The following MKRN2OS variants were observed in gnomAD, a reference collection of about 807,000 sequenced individuals.
MKRN2OS encodes MKRN2 opposite strand protein.
MKRN2OS carries 17 observed loss-of-function variants against 18.2 expected under a neutral mutation model. The ratio of observed to expected loss-of-function variants is 0.93; its 90% CI spans 0.64 to 1.40. The LOEUF is 1.40. Ranked by LOEUF, MKRN2OS falls within the 40% of genes most tolerant of loss-of-function variation. The pLI is 0.00. For missense variants in MKRN2OS, 337 were observed against 283.0 expected (o/e 1.19, Z -1.37); for synonymous variants, 121 against 108.5 (o/e 1.12, Z -0.72).
At position 12,541,975 on chromosome 3, in the gene MKRN2OS, C is replaced by T. The variant is rs751894943; in HGVS notation, c.316G>A (p.Gly106Arg). 6.5e-6 allele frequency: 10 copies of T among 1,535,970 alleles called. No homozygotes were observed. The African/African-American group carries it at 6.8e-5, about 11-fold the overall frequency. Residue 106 changes from glycine to arginine, a missense_variant, in exon 3 of 4, where the codon GGG (glycine) becomes AGG (arginine). Coordinates refer to ENST00000564146, the MANE Select transcript of MKRN2OS (RefSeq NM_001195279.2). Reference protein sequence around the residue: ...SAHGVQRDGEGWEESISIPLL... With the variant: ...SAHGVQRDGERWEESISIPLL... The stretch of plus-strand genomic sequence containing the variant: ...GGGATGCTTATGCTCTCTTCCCACC[C>T]TTCTCCGTCTCGCTGGACACCATGT...
At chr3:12,545,555 C>T (rs2057874920), upstream of MKRN2OS, 1 of 996,550 alleles carries the variant, frequency 1.0e-6, no homozygotes, top group South Asian at 1.7e-5. Context: ...CCCAAGGAAC[C>T]TGATCAATGG....
upstream of MKRN2OS, among the ~76,000 whole-genome samples, chr3:12,546,281 A>G (rs1281410980): frequency 6.6e-6 from 1 of 152,212 alleles, no homozygotes; most frequent in African/African-American, 2.4e-5. Flanking sequence ...TAAAAAAATT[A>G]ACATCCAGAA....
At chr3:12,560,902 C>T (rs978916997) in exon 1 of MKRN2OS, 1 of 152,122 alleles carries the variant, frequency 6.6e-6, no homozygotes, top group East Asian at 1.9e-4. Context: ...TTACAAAGCG[C>T]AACATGAAAG....
Position 12,539,937 on chromosome 3 carries a change from C to T in MKRN2OS, c.*256G>A, listed in dbSNP as rs889944598. The T allele has an allele frequency of 1.5e-4, 68 of 441,040 alleles. No individual in the cohort carries two copies. Among genetic ancestry groups the T allele is most frequent in the Non-Finnish European group, 1.9e-4 (46 of 239,540 alleles). The allele number at this position is 441,040 out of a possible 1,614,324, so 27.3% of individuals were successfully genotyped here. A position where few individuals can be genotyped will look rare whatever the true frequency, so the allele number is the denominator to read the frequency against. On this transcript the variant is annotated 3_prime_UTR_variant, in exon 4 of 4. Transcript: ENST00000564146. The stretch of plus-strand genomic sequence containing the variant: ...AGTAGTTGGGATTACAGGCATGCGC[C>T]ACCATGCCCAGCTAATTTTATATTT...
Position 12,543,228 on chromosome 3 carries a change from C to A in MKRN2OS, c.220G>T (p.Glu74Ter). 6.5e-7 allele frequency: 1 copy of A among 1,533,798 alleles called. No individual in the cohort carries two copies. Among genetic ancestry groups the A allele is most frequent in the Non-Finnish European group, 8.7e-7 (1 of 1,146,308 alleles). Reference protein sequence around the residue: ...LRPTQGTFLREYDGRSDLHVG... With the variant: ...LRPTQGTFLR ...TGAAGATCAGACCTTCCATCATACT[C>A]TCTGAAAGAAACAAGGTTTGTTTTT... Residue 74 changes from glutamate (E) to a stop codon, truncating the protein, a stop_gained and splice_region_variant, in exon 2 of 4, where the codon GAG becomes TAG. Transcript: ENST00000564146. LOFTEE classifies it high-confidence loss of function.
chr3:12,540,804 G>A (rs1260377852), intron 3 of MKRN2OS, among the ~76,000 whole-genome samples: 1 of 149,502 alleles, frequency 6.7e-6, no homozygotes, highest in Admixed American at 6.7e-5. Context: ...CCGGCGGGAG[G>A]CAGAGGTTGC....
At position 12,540,112 on chromosome 3, in the gene MKRN2OS, AATGCATT is replaced by A; in HGVS notation, c.*74_*80del. 6.6e-7 allele frequency: 1 copy of A among 1,513,354 alleles called. No homozygotes were observed. Among genetic ancestry groups the A allele is most frequent in the Non-Finnish European group, 8.9e-7 (1 of 1,129,552 alleles). The allele number at this position is 1,513,354 out of a possible 1,614,324, so 93.7% of individuals were successfully genotyped here. ...TACACGCTTTTATTAACCACAGTTA[AATGCATT>A]TAGAAATCCATAGTACTGATTAAAG... is the stretch of plus-strand genomic sequence containing the variant. On this transcript the variant is annotated 3_prime_UTR_variant, in exon 4 of 4. Transcript: ENST00000564146.
At chr3:12,557,355 G>A (rs898424454) in intron 1 of MKRN2OS, among the ~76,000 whole-genome samples, 7 of 152,254 alleles carry the variant, frequency 4.6e-5, no homozygotes, top group Non-Finnish European at 7.3e-5. Flanking sequence ...GGGGATCCGG[G>A]GGATGCGTGG....
Position 12,540,378 on chromosome 3 carries a change from C to T in MKRN2OS, c.487G>A (p.Val163Ile), listed in dbSNP as rs143879274. 6.2e-4 allele frequency: 957 copies of T among 1,536,092 alleles called. 5 individuals carry two copies. The African/African-American group carries it at 0.011, about 18-fold the overall frequency. ...TGCTGTCTACCTTCTGCCATCAGAA[C>T]GCAGTTAATGAACGTGAGTGCGTAA... The part of the protein sequence containing the change: ...YSYALTFINC[V>I]LMAEGRQQLD... The change falls in exon 4 of 4, where the codon GTT (valine) becomes ATT (isoleucine). Residue 163 changes from valine to isoleucine, a missense_variant. Val to Ile is a conservative substitution (Grantham distance 29, BLOSUM62 3). Coordinates refer to ENST00000564146, the MANE Select transcript of MKRN2OS (RefSeq NM_001195279.2).
intron 1 of MKRN2OS, chr3:12,557,060 C>CG: frequency 3.2e-6 from 4 of 1,267,238 alleles, no homozygotes; most frequent in Non-Finnish European, 4.0e-6. Flanking sequence ...CGTGACGCGG[C>CG]TACGCGGGAT....
At chr3:12,542,128 T>G in intron 2 of MKRN2OS, 106 bp from the exon 3 acceptor site, 1 of 1,169,382 alleles carries the variant, frequency 8.6e-7, no homozygotes, top group East Asian at 2.6e-5. Context: ...TTACGTAACA[T>G]AAATCCAGGG....
rs755779364 is a variant in MKRN2OS, at chr3:12,540,275, C to T, written c.590G>A (p.Arg197Gln). The T allele has an allele frequency of 8.1e-5, 124 of 1,535,964 alleles. No homozygotes were observed. In the South Asian group the frequency reaches 9.8e-4, roughly 12 times the overall value. ...GTAGAAGCCATGCTCCCGTATCGCCCGGTAGAGTGTGATGAACTTGGATGC... is the reference window on the plus strand; with the variant it reads ...GTAGAAGCCATGCTCCCGTATCGCCTGGTAGAGTGTGATGAACTTGGATGC... The part of the protein sequence containing the change: ...RLASKFITLY[R>Q]AIREHGFYVT... The change falls in exon 4 of 4, where the codon CGG (arginine) becomes CAG (glutamine). Residue 197 changes from arginine (R) to glutamine (Q), a missense_variant. Transcript: ENST00000564146.
At position 12,540,280 on chromosome 3, in the gene MKRN2OS, G is replaced by C; in HGVS notation, c.585C>G (p.Leu195=). 6.5e-7 allele frequency: 1 copy of C among 1,536,158 alleles called. No homozygotes were observed. The highest frequency in any genetic ancestry group is 2.0e-5 in the Admixed American group (1 of 50,992). ...RTRLASKFIT[L]YRAIREHGFY... ...AGCCATGCTCCCGTATCGCCCGGTA[G>C]AGTGTGATGAACTTGGATGCCAGCC... The change falls in exon 4 of 4, where the codon CTC becomes CTG. Residue 195 remains leucine, a synonymous_variant. Coordinates refer to ENST00000564146, the MANE Select transcript of MKRN2OS (RefSeq NM_001195279.2).
upstream of MKRN2OS, among the ~76,000 whole-genome samples, chr3:12,550,456 T>C (rs181312174): frequency 2.0e-5 from 3 of 152,280 alleles, no homozygotes; most frequent in East Asian, 5.8e-4. Flanking sequence ...GTACAGAGAA[T>C]TTTTAGGGCG....
upstream of MKRN2OS, among the ~76,000 whole-genome samples, chr3:12,548,047 C>T (rs1160626867): frequency 6.6e-6 from 1 of 152,142 alleles, no homozygotes; most frequent in Admixed American, 6.5e-5. Context: ...CAGTGGCTCA[C>T]GCCTGAAATC....
At chr3:12,541,747 G>A (rs1465846664) in intron 3 of MKRN2OS, 113 bp downstream of exon 3, 20 of 1,116,506 alleles carry the variant, frequency 1.8e-5, no homozygotes, top group African/African-American at 3.1e-5. Flanking sequence ...TGTCTGTATC[G>A]GCTCAACATG....
upstream of MKRN2OS, among the ~76,000 whole-genome samples, chr3:12,546,220 T>C (rs942797713): frequency 6.6e-6 from 1 of 152,238 alleles, no homozygotes; most frequent in Non-Finnish European, 1.5e-5. Context: ...TAAATCCTTA[T>C]TTAAGGCTAT....
In MKRN2OS at chr3:12,539,996, G is replaced by C; in HGVS notation, c.*197C>G. 1.5e-6 allele frequency: 1 copy of C among 655,370 alleles called. No homozygotes were observed. Among genetic ancestry groups the C allele is most frequent in the South Asian group, 1.9e-5 (1 of 52,172 alleles). The allele number at this position is 655,370 out of a possible 1,614,324, so 40.6% of individuals were successfully genotyped here. On this transcript the variant is annotated 3_prime_UTR_variant, in exon 4 of 4. Transcript: ENST00000564146. ...GACGGGGTTTCTCCATGTTGGTCAG[G>C]CTGGTCTCAAACTCCCAACCTCAGG...
At chr3:12,542,167 A>C in intron 2 of MKRN2OS, 145 bp from the exon 3 acceptor site, 1 of 830,184 alleles carries the variant, frequency 1.2e-6, no homozygotes, top group East Asian at 2.8e-5. Context: ...CCATCCACCT[A>C]ATGAGATTTA....
Sources: gnomAD v4.1 joint callset for allele counts (sites outside exome capture counted in the v4.1 genomes callset) on GRCh38, gnomAD v4.1.1 for gene constraint, MANE v1.5 for transcripts, NCBI Gene and HGNC (gene_info 2026-07-23, HGNC 2026-07-21) for gene names.